Variants in PCDH15 observed in about 807,000 individuals in gnomAD.
PCDH15 encodes protocadherin-15.
PCDH15 carries 129 observed loss-of-function variants against 178.5 expected under a neutral mutation model. That is an observed-to-expected ratio of 0.72 (90% CI 0.63 to 0.84). The LOEUF (loss-of-function observed/expected upper bound fraction) is 0.84, where lower values mean the gene tolerates loss of function less well. PCDH15 is among the 40% of genes least tolerant of loss of function. The pLI is 0.00. For missense variants in PCDH15, 2,230 were observed against 2,099.9 expected (o/e 1.06, Z -1.21); for synonymous variants, 800 against 732.0 (o/e 1.09, Z -1.50).
chr10:53,885,965 C>A (rs1195371795), intron 26 of PCDH15, among the ~76,000 whole-genome samples: 2 of 152,006 alleles, frequency 1.3e-5, no homozygotes, highest in East Asian at 3.9e-4. Flanking sequence ...AAAGAGAGGC[C>A]CAGTATTCAG....
At chr10:54,679,976 A>G (rs2094869151) in intron 1 of PCDH15, among the ~76,000 whole-genome samples, 1 of 152,226 alleles carries the variant, frequency 6.6e-6, no homozygotes, top group South Asian at 2.1e-4. Flanking sequence ...ATTTGAGTAT[A>G]TGCTATATTA....
intron 1 of PCDH15, among the ~76,000 whole-genome samples, chr10:54,712,808 G>A (rs1473550912): frequency 6.6e-6 from 1 of 152,004 alleles, no homozygotes; most frequent in East Asian, 1.9e-4. Context: ...ATCATCTTAT[G>A]AGTTATAGCA....
At chr10:55,363,382 C>T (rs192087403) in intron 2 of PCDH15, among the ~76,000 whole-genome samples, 16 of 152,084 alleles carry the variant, frequency 1.1e-4, no homozygotes, top group Non-Finnish European at 1.8e-4. Context: ...TCAATAGTCA[C>T]ATATAGTTTA....
chr10:54,094,607 C>T (rs1180099285), intron 15 of PCDH15, among the ~76,000 whole-genome samples: 2 of 152,074 alleles, frequency 1.3e-5, no homozygotes, highest in South Asian at 2.1e-4. Flanking sequence ...CAGTGTACTT[C>T]GACCACTTTA....
intron 23 of PCDH15, 98 bp from the exon 24 acceptor site, chr10:53,941,073 G>A: frequency 1.2e-6 from 1 of 818,062 alleles, no homozygotes; most frequent in South Asian, 1.5e-5. Flanking sequence ...AGAGATTTCT[G>A]ATATACCCTC....
At chr10:54,349,755 T>C (rs1300672255) in intron 5 of PCDH15, among the ~76,000 whole-genome samples, 1 of 152,192 alleles carries the variant, frequency 6.6e-6, no homozygotes, top group Non-Finnish European at 1.5e-5. Flanking sequence ...TACTTGCTGA[T>C]GAAGCCTACC....
chr10:55,183,860 G>C (rs1839720635), intron 1 of PCDH15, among the ~76,000 whole-genome samples: 1 of 151,736 alleles, frequency 6.6e-6, no homozygotes, highest in African/African-American at 2.4e-5. Context: ...CTTTGTCTCA[G>C]ATTTTTCAAT....
At chr10:54,135,995 G>A (rs2042871095) in intron 14 of PCDH15, among the ~76,000 whole-genome samples, 1 of 151,942 alleles carries the variant, frequency 6.6e-6, no homozygotes, top group Admixed American at 6.6e-5. Flanking sequence ...AAGGCTTAAG[G>A]TTTCTTATTC....
chr10:54,683,303 G>A (rs188861242), intron 1 of PCDH15, among the ~76,000 whole-genome samples: 223 of 151,852 alleles, frequency 1.5e-3, no homozygotes, highest in African/African-American at 5.2e-3. Flanking sequence ...ACTTTTCATC[G>A]TTACAAACTG....
chr10:54,446,998 G>T (rs910240814), intron 3 of PCDH15, among the ~76,000 whole-genome samples: 1 of 151,524 alleles, frequency 6.6e-6, no homozygotes, highest in Admixed American at 6.6e-5. Context: ...TTCCCCATTG[G>T]TTCCCTAAAA....
intron 13 of PCDH15, among the ~76,000 whole-genome samples, chr10:54,161,816 A>AT (rs1242580049): frequency 6.6e-6 from 1 of 151,958 alleles, no homozygotes; most frequent in Non-Finnish European, 1.5e-5. Context: ...TTGCACAAGT[A>AT]TTTTTTCCCT....
chr10:54,421,240 T>TA (rs113701629), intron 3 of PCDH15, among the ~76,000 whole-genome samples: 31,921 of 151,742 alleles, frequency 0.21, 4,252 homozygotes, highest in African/African-American at 0.38. Flanking sequence ...CAAAAAAAGC[T>TA]AAAATGTCAT....
At chr10:55,595,764 T>C (rs1340906783) in intron 2 of PCDH15, among the ~76,000 whole-genome samples, 2 of 152,086 alleles carry the variant, frequency 1.3e-5, no homozygotes, top group African/African-American at 2.4e-5. Context: ...CTGTAAATAT[T>C]AGAGTATGCT....
chr10:54,621,065 A>C (rs2134428333), intron 2 of PCDH15, among the ~76,000 whole-genome samples: 1 of 152,084 alleles, frequency 6.6e-6, no homozygotes, highest in East Asian at 1.9e-4. Flanking sequence ...AGGTGGAGAA[A>C]ATTATTTTTC....
At chr10:54,675,448 C>A (rs1037104428) in intron 1 of PCDH15, among the ~76,000 whole-genome samples, 5 of 145,700 alleles carry the variant, frequency 3.4e-5, no homozygotes, top group Non-Finnish European at 6.0e-5. Flanking sequence ...AATTCTAAGG[C>A]CTTTTCATGT....
intron 14 of PCDH15, among the ~76,000 whole-genome samples, chr10:54,149,790 T>C (rs552012074): frequency 5.1e-4 from 77 of 152,236 alleles, no homozygotes; most frequent in Non-Finnish European, 8.5e-4. Flanking sequence ...AGACTTGTAA[T>C]TGGAAGAAGT....
intron 2 of PCDH15, among the ~76,000 whole-genome samples, chr10:54,972,980 A>G (rs1591813863): frequency 1.3e-5 from 2 of 151,854 alleles, no homozygotes; most frequent in Admixed American, 1.3e-4. Flanking sequence ...TAAACTTACA[A>G]GAATAACAAT....
At chr10:53,816,869 G>GCC (rs2076077149) in intron 34 of PCDH15, among the ~76,000 whole-genome samples, 1 of 152,120 alleles carries the variant, frequency 6.6e-6, no homozygotes, top group Admixed American at 6.5e-5. Flanking sequence ...ATCAGATTTG[G>GCC]TAGGAATTGC....
intron 13 of PCDH15, among the ~76,000 whole-genome samples, chr10:54,173,532 A>G (rs959131978): frequency 9.3e-5 from 14 of 149,784 alleles, no homozygotes; most frequent in Admixed American, 2.7e-4. Flanking sequence ...TTACTTTGTA[A>G]AAAATTTAAA....
Sources: gnomAD v4.1 joint callset for allele counts (sites outside exome capture counted in the v4.1 genomes callset) on GRCh38, gnomAD v4.1.1 for gene constraint, MANE v1.5 for transcripts, NCBI Gene and HGNC (gene_info 2026-07-23, HGNC 2026-07-21) for gene names.